The following SCAPER variants were observed in gnomAD, a reference collection of about 807,000 sequenced individuals.
The protein encoded by SCAPER is S phase cyclin A-associated protein in the endoplasmic reticulum.
SCAPER carries 98 observed loss-of-function variants against 182.2 expected under a neutral mutation model. That is an observed-to-expected ratio of 0.54 (90% CI 0.46 to 0.64). The LOEUF (loss-of-function observed/expected upper bound fraction) is 0.64. SCAPER is among the 30% of genes least tolerant of loss of function. The probability of loss-of-function intolerance (pLI) is 0.00; values close to 1 mark genes in which losing one functional copy is unlikely to be tolerated. For synonymous variants in SCAPER, 605 were observed against 564.6 expected, an observed-to-expected ratio of 1.07 and a Z score of -1.01; for missense variants, 1,432 against 1,690.0, an observed-to-expected ratio of 0.85 and a Z score of 2.68.
intron 25 of SCAPER, among the ~76,000 whole-genome samples, chr15:76,436,216 C>A (rs1017379503): frequency 6.6e-6 from 1 of 151,940 alleles, no homozygotes; most frequent in Non-Finnish European, 1.5e-5. Context: ...TACAGGTGTG[C>A]GTCATTACAC....
intron 1 of SCAPER, chr15:76,904,607 A>G (rs1251037134): frequency 6.6e-6 from 1 of 152,124 alleles, no homozygotes; most frequent in African/African-American, 2.4e-5. Flanking sequence ...CGTTCCCACG[A>G]ACGCGCCTGG....
intron 21 of SCAPER, among the ~76,000 whole-genome samples, chr15:76,647,597 GA>G (rs1339131364): frequency 6.6e-6 from 1 of 152,208 alleles, no homozygotes; most frequent in African/African-American, 2.4e-5. Context: ...GTAGCAGAGT[GA>G]AAAGATGTAT....
intron 23 of SCAPER, among the ~76,000 whole-genome samples, chr15:76,529,377 T>A (rs1277151103): frequency 6.6e-6 from 1 of 152,210 alleles, no homozygotes; most frequent in Non-Finnish European, 1.5e-5. Flanking sequence ...ATTCACTGAT[T>A]GATTCAACAA....
At chr15:76,684,247 A>G (rs1230780575) in intron 20 of SCAPER, among the ~76,000 whole-genome samples, 1 of 152,186 alleles carries the variant, frequency 6.6e-6, no homozygotes, top group Non-Finnish European at 1.5e-5. Flanking sequence ...AAATGTCCCA[A>G]TTAAAAGGCA....
intron 9 of SCAPER, among the ~76,000 whole-genome samples, chr15:76,772,853 C>G (rs1311417491): frequency 2.0e-5 from 3 of 151,936 alleles, no homozygotes; most frequent in African/African-American, 7.2e-5. Flanking sequence ...GAATTTAAAA[C>G]TCCCATCACT....
At chr15:76,692,469 A>C (rs1045309604) in intron 20 of SCAPER, among the ~76,000 whole-genome samples, 7 of 152,124 alleles carry the variant, frequency 4.6e-5, no homozygotes, top group Non-Finnish European at 1.0e-4. Flanking sequence ...CTGGTGGATC[A>C]CATGAGGCCA....
At chr15:76,897,822 T>C (rs1432466281) in intron 1 of SCAPER, among the ~76,000 whole-genome samples, 2 of 152,266 alleles carry the variant, frequency 1.3e-5, no homozygotes, top group African/African-American at 4.8e-5. Flanking sequence ...TGACAGATTA[T>C]TGTTTCTGCA....
intron 22 of SCAPER, among the ~76,000 whole-genome samples, chr15:76,614,214 T>C (rs979192719): frequency 1.6e-4 from 24 of 152,012 alleles, no homozygotes; most frequent in Non-Finnish European, 2.2e-4. Context: ...CATAGACACA[T>C]AGAGGGGAAC....
At chr15:76,816,942 G>A (rs941088460) in intron 5 of SCAPER, among the ~76,000 whole-genome samples, 16 of 152,144 alleles carry the variant, frequency 1.1e-4, no homozygotes, top group East Asian at 5.8e-4. Context: ...GTGAGCCACC[G>A]TGCCTGGCTG....
At chr15:76,376,079 C>CGCTAGCCT in intron 29 of SCAPER, 83 bp downstream of exon 29, 1 of 1,551,554 alleles carries the variant, frequency 6.4e-7, no homozygotes, top group South Asian at 1.2e-5. Flanking sequence ...GGTTCCAGCC[C>CGCTAGCCT]GCTAGCCTGC....
At chr15:76,366,522 G>A (rs1226717986) in intron 29 of SCAPER, among the ~76,000 whole-genome samples, 1 of 152,104 alleles carries the variant, frequency 6.6e-6, no homozygotes, top group Non-Finnish European at 1.5e-5. Flanking sequence ...ATGGTCTCTC[G>A]GATTTCTTCT....
chr15:76,666,142 C>T (rs2056556743), intron 20 of SCAPER, among the ~76,000 whole-genome samples: 1 of 152,070 alleles, frequency 6.6e-6, no homozygotes, highest in African/African-American at 2.4e-5. Flanking sequence ...CGTTAAGAAC[C>T]CGAAGAGGGA....
At chr15:76,417,057 C>A (rs183115612) in intron 26 of SCAPER, among the ~76,000 whole-genome samples, 183 of 151,952 alleles carry the variant, frequency 1.2e-3, no homozygotes, top group African/African-American at 4.1e-3. Flanking sequence ...AGCACACACA[C>A]CCTGTCTCTA....
intron 27 of SCAPER, among the ~76,000 whole-genome samples, chr15:76,400,248 T>C (rs138311696): frequency 1.7e-4 from 26 of 152,296 alleles, no homozygotes; most frequent in African/African-American, 5.5e-4. Context: ...CCTCTTCCTC[T>C]TTCATTCCTG....
intron 1 of SCAPER, 48 bp from the exon 2 acceptor site, chr15:76,883,924 C>A: frequency 1.2e-6 from 1 of 858,756 alleles, no homozygotes; most frequent in South Asian, 1.8e-5. Flanking sequence ...TACCAGAAAA[C>A]CATAATTATT....
chr15:76,683,618 A>C (rs1166611119), intron 20 of SCAPER, among the ~76,000 whole-genome samples: 1 of 152,056 alleles, frequency 6.6e-6, no homozygotes, highest in South Asian at 2.1e-4. Context: ...AGGTTTCCCA[A>C]GGTCGAAATG....
intron 26 of SCAPER, among the ~76,000 whole-genome samples, chr15:76,417,996 AAC>A (rs1207584171): frequency 2.6e-5 from 4 of 152,152 alleles, no homozygotes; most frequent in Non-Finnish European, 5.9e-5. Flanking sequence ...CCAGCCTGGC[AAC>A]AGAGCAAGAC....
intron 23 of SCAPER, among the ~76,000 whole-genome samples, chr15:76,561,269 T>A (rs2046597693): frequency 1.3e-5 from 2 of 152,184 alleles, no homozygotes; most frequent in African/African-American, 4.8e-5. Flanking sequence ...TATAATTTAT[T>A]TACTTAAAAT....
At chr15:76,873,032 T>TTAAG (rs2072841671) in intron 2 of SCAPER, among the ~76,000 whole-genome samples, 1 of 150,750 alleles carries the variant, frequency 6.6e-6, no homozygotes, top group Non-Finnish European at 1.5e-5. Context: ...GGAGTATCAC[T>TTAAG]TAAGGTCTAG....
Sources: allele counts gnomAD v4.1 joint callset (sites outside exome capture counted in the v4.1 genomes callset), GRCh38; gene constraint gnomAD v4.1.1; transcripts MANE v1.5; gene names NCBI Gene and HGNC (gene_info 2026-07-23, HGNC 2026-07-21).